Variants in PCLO observed in about 807,000 individuals in gnomAD.
PCLO encodes the protein protein piccolo.
A neutral mutation model predicts 427.5 loss-of-function variants in PCLO; 82 were observed. The ratio of observed to expected loss-of-function variants is 0.19; its 90% CI spans 0.16 to 0.23. PCLO has a LOEUF of 0.23. Ranked by LOEUF, PCLO falls within the 10% of genes least tolerant of loss-of-function variation. PCLO has a pLI of 1.00. For missense variants in PCLO, 6,239 were observed against 6,115.9 expected (o/e 1.02, Z -0.67); for synonymous variants, 2,357 against 2,155.4 (o/e 1.09, Z -2.59).
Position 82,940,763 on chromosome 7 carries a change from T to C in PCLO, c.11112+8713A>G, listed in dbSNP as rs1443721649. Among the ~76,000 whole-genome samples the C allele has an allele frequency of 2.6e-3, 368 of 139,888 alleles. 5 individuals carry two copies. Among genetic ancestry groups the C allele is most frequent in the Non-Finnish European group, 4.3e-3 (280 of 65,118 alleles). The allele number at this position is 139,888 out of a possible 152,430, so 91.8% of individuals were successfully genotyped here. On this transcript the variant is annotated intron_variant, in intron 6 of 24. Transcript: ENST00000333891. ...TAATTATTTTTTTCTTTCTTTTTTT[T>C]TTTTTTTTTTTTTTTCTGAGACTGA... is the stretch of plus-strand genomic sequence containing the variant.
intron 8 of PCLO, among the ~76,000 whole-genome samples, chr7:82,908,457 G>A (rs573503797): frequency 3.9e-5 from 6 of 152,110 alleles, no homozygotes; most frequent in Non-Finnish European, 8.8e-5. Flanking sequence ...CAGGTTAAGC[G>A]TTCTTTCTAT....
At chr7:83,077,988 C>A (rs2116385030) in intron 3 of PCLO, among the ~76,000 whole-genome samples, 1 of 152,184 alleles carries the variant, frequency 6.6e-6, no homozygotes, top group Middle Eastern at 3.4e-3. Flanking sequence ...GAGGTCAATT[C>A]AAGGTCGGTA....
chr7:83,089,395 T>C (rs1790321874), intron 3 of PCLO, among the ~76,000 whole-genome samples: 1 of 152,126 alleles, frequency 6.6e-6, no homozygotes, highest in South Asian at 2.1e-4. Context: ...CAGTGTTCCC[T>C]CATGCCTATA....
intron 3 of PCLO, among the ~76,000 whole-genome samples, chr7:83,124,106 C>A (rs1177809507): frequency 6.6e-6 from 1 of 150,840 alleles, no homozygotes; most frequent in African/African-American, 2.4e-5. Context: ...GTCAGGAAAT[C>A]GAGACCATCC....
intron 3 of PCLO, among the ~76,000 whole-genome samples, chr7:82,998,865 G>C (rs1346754340): frequency 6.6e-6 from 1 of 151,786 alleles, no homozygotes; most frequent in Non-Finnish European, 1.5e-5. Flanking sequence ...ATGGCAGAAT[G>C]TTGCAATGAT....
At chr7:82,823,311 T>C (rs1399152812) in intron 19 of PCLO, among the ~76,000 whole-genome samples, 1 of 152,166 alleles carries the variant, frequency 6.6e-6, no homozygotes, top group Non-Finnish European at 1.5e-5. Context: ...CTACTGGACA[T>C]GGACTCACTT....
At chr7:83,022,616 T>C (rs939332379) in intron 3 of PCLO, among the ~76,000 whole-genome samples, 70 of 152,288 alleles carry the variant, frequency 4.6e-4, no homozygotes, top group African/African-American at 1.6e-3. Context: ...GTGGGTTGAA[T>C]GAATGAAACA....
Position 82,916,787 on chromosome 7 carries a change from G to T in PCLO, c.11199C>A (p.Ser3733=), listed in dbSNP as rs752991116. The T allele has an allele frequency of 6.2e-7, 1 of 1,613,598 alleles. No homozygotes were observed. The highest frequency in any genetic ancestry group is 1.7e-5 in the Admixed American group (1 of 59,984). ...TLPNPPPEEI[S]TGTQSTFSTM... is the part of the protein sequence containing the mutation. ...TGCTGAATGTGGATTGAGTTCCTGTGGAAATCTCCTCAGGAGGTGGATTTG... is the reference window on the plus strand; with the variant it reads ...TGCTGAATGTGGATTGAGTTCCTGTTGAAATCTCCTCAGGAGGTGGATTTG... Residue 3733 remains serine (S), a synonymous_variant, in exon 7 of 25, where the codon TCC becomes TCA. Transcript: ENST00000333891.
intron 3 of PCLO, among the ~76,000 whole-genome samples, chr7:83,032,397 A>ACTCCCCTCC: frequency 8.5e-6 from 1 of 117,958 alleles, no homozygotes; most frequent in African/African-American, 3.3e-5. Context: ...CACTCCCCTC[A>ACTCCCCTCC]CTCCCTCCCT....
At chr7:83,063,450 C>T (rs1400110032) in intron 3 of PCLO, among the ~76,000 whole-genome samples, 1 of 152,104 alleles carries the variant, frequency 6.6e-6, no homozygotes, top group African/African-American at 2.4e-5. Context: ...AATACCCATA[C>T]AACCCTTCTG....
chr7:82,786,510 G>C (rs892772394), intron 22 of PCLO, among the ~76,000 whole-genome samples: 7 of 152,038 alleles, frequency 4.6e-5, no homozygotes, highest in African/African-American at 1.7e-4. Context: ...TATCATGTTT[G>C]CCATTACAAC....
At chr7:82,939,174 A>G (rs753297988) in intron 6 of PCLO, among the ~76,000 whole-genome samples, 26 of 152,166 alleles carry the variant, frequency 1.7e-4, no homozygotes, top group Non-Finnish European at 3.1e-4. Flanking sequence ...GAATAAATTT[A>G]ACTTTATTTT....
At chr7:83,024,669 A>C (rs915227857) in intron 3 of PCLO, among the ~76,000 whole-genome samples, 3 of 152,202 alleles carry the variant, frequency 2.0e-5, no homozygotes, top group Non-Finnish European at 4.4e-5. Context: ...AGACAAACAA[A>C]AAGACAGCAG....
At chr7:83,011,980 ATTT>A (rs1388136301) in intron 3 of PCLO, among the ~76,000 whole-genome samples, 1 of 152,030 alleles carries the variant, frequency 6.6e-6, no homozygotes, top group African/African-American at 2.4e-5. Flanking sequence ...AAATGTTTTT[ATTT>A]TTATTACTTT....
chr7:82,836,608 A>G (rs1030555968), intron 15 of PCLO, among the ~76,000 whole-genome samples: 3 of 152,186 alleles, frequency 2.0e-5, no homozygotes, highest in Non-Finnish European at 4.4e-5. Context: ...AAATAAAATT[A>G]TTGAGAAGGA....
chr7:82,845,404 A>G lies in PCLO; in HGVS notation c.13913T>C (p.Leu4638Pro). 6.2e-7 allele frequency: 1 copy of G among 1,613,282 alleles called. No homozygotes were observed. The highest frequency in any genetic ancestry group is 8.5e-7 in the Non-Finnish European group (1 of 1,179,534). Residue 4638 changes from leucine (L) to proline (P), a missense_variant, in exon 13 of 25, where the codon CTG (leucine) becomes CCG (proline). By Grantham distance (98) the Leu-to-Pro change is moderately conservative. Transcript: ENST00000333891. Reference protein sequence around the residue: ...LQKVSLQQSPLVLSSVVEKGS... With the variant: ...LQKVSLQQSPPVLSSVVEKGS... ...TTTTTCAACAACTGATGACAGAACC[A>G]GCGGTGACTGCTGTAGTGAAACCTT...
At chr7:82,863,858 C>T (rs1275507136) in intron 10 of PCLO, among the ~76,000 whole-genome samples, 1 of 151,984 alleles carries the variant, frequency 6.6e-6, no homozygotes, top group African/African-American at 2.4e-5. Flanking sequence ...TAAAATTTAA[C>T]CCATTTCACT....
At chr7:82,837,103 C>A (rs193249211) in intron 15 of PCLO, among the ~76,000 whole-genome samples, 5 of 151,796 alleles carry the variant, frequency 3.3e-5, no homozygotes, top group Non-Finnish European at 7.4e-5. Flanking sequence ...TATGCTTATA[C>A]GAGGTATTAA....
intron 4 of PCLO, among the ~76,000 whole-genome samples, chr7:82,964,981 GA>G (rs1201196200): frequency 6.6e-6 from 1 of 151,998 alleles, no homozygotes; most frequent in Non-Finnish European, 1.5e-5. Context: ...TGTCCTCTGT[GA>G]ATTAAACATA....
Sources: allele counts gnomAD v4.1 joint callset (sites outside exome capture counted in the v4.1 genomes callset), GRCh38; gene constraint gnomAD v4.1.1; transcripts MANE v1.5; gene names NCBI Gene and HGNC (gene_info 2026-07-23, HGNC 2026-07-21).